The following HDAC7 variants were observed in gnomAD, a reference collection of about 807,000 sequenced individuals.
The protein encoded by HDAC7 is histone deacetylase 7, also known as histone deacetylase 7A.
HDAC7 carries 26 observed loss-of-function variants against 115.5 expected under a neutral mutation model. That is an observed-to-expected ratio of 0.23 (90% CI 0.16 to 0.31). The LOEUF (loss-of-function observed/expected upper bound fraction) is 0.31. Among genes scored for constraint, HDAC7 ranks in the 10% least tolerant of loss-of-function variants. The pLI is 1.00. For missense variants in HDAC7, 1,068 were observed against 1,329.0 expected (o/e 0.80, Z 3.05); for synonymous variants, 564 against 550.9 (o/e 1.02, Z -0.33).
chr12:47,806,863 T>A (rs1944429308), intron 1 of HDAC7, among the ~76,000 whole-genome samples: 1 of 151,254 alleles, frequency 6.6e-6, no homozygotes, highest in Non-Finnish European at 1.5e-5. Flanking sequence ...CGTTTCAGTG[T>A]CTGCTCCCAA....
In HDAC7 at chr12:47,788,054, A is replaced by G; in HGVS notation, c.2346T>C (p.Ala782=). The change falls in exon 20 of 26, where the codon GCT becomes GCC. Residue 782 remains alanine (A), a synonymous_variant. Coordinates refer to ENST00000080059, the MANE Select transcript of HDAC7 (RefSeq NM_015401.5). ...CCTGACATGCGGTTACCTCATCCAC[A>G]GCCCCACTCCCCGGGAAGAAGTTGC... ...DDGNFFPGSG[A]VDEVGAGSGE... 1.2e-6 allele frequency: 2 copies of G among 1,611,500 alleles called. No individual in the cohort carries two copies. The highest frequency in any genetic ancestry group is 1.7e-6 in the Non-Finnish European group (2 of 1,178,496).
intron 1 of HDAC7, among the ~76,000 whole-genome samples, chr12:47,807,575 C>A (rs1403445694): frequency 6.6e-6 from 1 of 152,046 alleles, no homozygotes; most frequent in Non-Finnish European, 1.5e-5. Context: ...CCCAGCATTC[C>A]CATTCGCCAC....
Position 47,795,750 on chromosome 12 carries a change from C to G in HDAC7, c.924G>C (p.Arg308Ser). 1.3e-6 allele frequency: 2 copies of G among 1,537,066 alleles called. No homozygotes were observed. Among genetic ancestry groups the G allele is most frequent in the East Asian group, 2.4e-5 (1 of 40,924 alleles). Residue 308 changes from arginine (R) to serine (S), a missense_variant, in exon 10 of 26, where the codon AGG becomes AGC. Around this residue, in one of 6 missense-constraint regions of HDAC7, gnomAD observed 618 missense variants for 701.5 expected, o/e 0.88. Transcript: ENST00000080059. The surrounding 1 kb of genome is among the most constrained non-coding windows in gnomAD (Gnocchi z 4.3). ...PAPARADSDR[R>S]THPTLGPRGP... ...CCCGAGGGCCCAGAGTCGGATGGGTCCTGCGGTCACTGTCAGCCTGGGGGA... is the reference window on the plus strand; with the variant it reads ...CCCGAGGGCCCAGAGTCGGATGGGTGCTGCGGTCACTGTCAGCCTGGGGGA...
chr12:47,798,543 G>C lies in HDAC7; in HGVS notation c.349+19C>G, dbSNP rs1943996300. ...CTGGCTGGTGGGGCTGGGCTGGGCT[G>C]GGGTGGCCACCTCCTTACTTCGCTT... On this transcript the variant is annotated intron_variant, in intron 4 of 25. Coordinates refer to ENST00000080059, the MANE Select transcript of HDAC7 (RefSeq NM_015401.5). The surrounding 1 kb of genome is among the most constrained non-coding windows in gnomAD (Gnocchi z 4.3). The C allele has an allele frequency of 6.2e-7, 1 of 1,609,574 alleles. No individual in the cohort carries two copies. The highest frequency in any genetic ancestry group is 8.5e-7 in the Non-Finnish European group (1 of 1,177,132).
At chr12:47,819,712 G>C in intron 1 of HDAC7, 55 bp downstream of exon 1, 1 of 484,424 alleles carries the variant, frequency 2.1e-6, no homozygotes, top group Non-Finnish European at 2.7e-6. Flanking sequence ...GCCTGGGCGG[G>C]CGACGCTGGG....
At chr12:47,810,558 C>T (rs1944608057) in intron 1 of HDAC7, among the ~76,000 whole-genome samples, 1 of 152,176 alleles carries the variant, frequency 6.6e-6, no homozygotes, top group East Asian at 1.9e-4. Flanking sequence ...TTCTATTTCC[C>T]TTCCTTTTTA....
chr12:47,802,457 C>T lies in HDAC7; in HGVS notation c.20-183G>A, dbSNP rs1039815729. The T allele has an allele frequency of 7.1e-6, 11 of 1,551,286 alleles. No homozygotes were observed. The Admixed American group carries it at 2.0e-4, about 28-fold the overall frequency. On this transcript the variant is annotated intron_variant, in intron 1 of 25. Coordinates refer to ENST00000080059, the MANE Select transcript of HDAC7 (RefSeq NM_015401.5). ...CCACCCCATTCGACTCCTCCAGTCC[C>T]CCTGCTGGTGAAAAGGGCTCCCAGC...
At position 47,797,262 on chromosome 12, in the gene HDAC7, T is replaced by G; in HGVS notation, c.578-120A>C. ...AGAGAAGGCAGAACTAGAAAGAAGA[T>G]CCTAGCCTACCGATGATCTCCTGGC... On this transcript the variant is annotated intron_variant, in intron 6 of 25. Coordinates refer to ENST00000080059, the MANE Select transcript of HDAC7 (RefSeq NM_015401.5). This position sits in a 1 kb window ranked among gnomAD's most constrained non-coding sequence, Gnocchi z 5.5. The G allele has an allele frequency of 6.4e-7, 1 of 1,559,016 alleles. No homozygotes were observed. The highest frequency in any genetic ancestry group is 2.2e-5 in the East Asian group (1 of 44,516).
intron 24 of HDAC7, chr12:47,785,144 G>C (rs1592624150): frequency 1.8e-6 from 1 of 549,864 alleles, no homozygotes; most frequent in East Asian, 3.1e-5. Context: ...ATGGAGGCCA[G>C]TCCCTACCTT....
At chr12:47,796,100 C>T in intron 8 of HDAC7, 84 bp from the exon 9 acceptor site, 1 of 1,515,176 alleles carries the variant, frequency 6.6e-7, no homozygotes, top group Non-Finnish European at 9.0e-7. Flanking sequence ...GAGGCTCTGG[C>T]AGGGGCTGCC....
At position 47,795,251 on chromosome 12, in the gene HDAC7, G is replaced by C. The variant is rs1208869779; in HGVS notation, c.1217C>G (p.Ala406Gly). 1 of 1,612,248 alleles carries C rather than the reference G, an allele frequency of 6.2e-7. No homozygotes were observed. The highest frequency in any genetic ancestry group is 1.3e-5 in the African/African-American group (1 of 75,012). Residue 406 changes from alanine (A) to glycine (G), a missense_variant, in exon 11 of 26, where the codon GCT becomes GGT. By Grantham distance (60) the Ala-to-Gly change is moderately conservative. Transcript: ENST00000080059. The surrounding 1 kb of genome is among the most constrained non-coding windows in gnomAD (Gnocchi z 4.3). ...RSEPLPPSAT[A>G]PPPPGPMQPR... ...CTGCATGGGGCCCGGCGGTGGGGGA[G>C]CGGTGGCACTGGGGGGCAGGGGCTC... is the stretch of plus-strand genomic sequence containing the variant.
chr12:47,784,413 A>G, intron 24 of HDAC7, 196 bp from the exon 25 acceptor site: 1 of 631,362 alleles, frequency 1.6e-6, no homozygotes, highest in Middle Eastern at 3.2e-4. Context: ...CAGGGTACAC[A>G]GAGTGGGTTC....
intron 1 of HDAC7, among the ~76,000 whole-genome samples, chr12:47,809,322 C>T: frequency 6.6e-6 from 1 of 152,186 alleles, no homozygotes; most frequent in Non-Finnish European, 1.5e-5. Flanking sequence ...CTGCCTCTCC[C>T]AGCTGCAGGC....
Position 47,797,287 on chromosome 12 carries a change from C to G in HDAC7, c.577+97G>C. 6.9e-7 allele frequency: 1 copy of G among 1,449,238 alleles called. No individual in the cohort carries two copies. Among genetic ancestry groups the G allele is most frequent in the Non-Finnish European group, 9.6e-7 (1 of 1,046,458 alleles). 89.8% of individuals were successfully genotyped at this position (1,449,238 alleles called of 1,614,324 possible). ...TCCTAGCCTACCGATGATCTCCTGG[C>G]CCAGCCCAGCCCGCCCACCCCTGCA... On this transcript the variant is annotated intron_variant, in intron 6 of 25. Coordinates refer to ENST00000080059, the MANE Select transcript of HDAC7 (RefSeq NM_015401.5). This position sits in a 1 kb window ranked among gnomAD's most constrained non-coding sequence, Gnocchi z 5.5.
Position 47,791,651 on chromosome 12 carries a change from C to T in HDAC7, c.1868G>A (p.Arg623Gln), listed in dbSNP as rs769080517. 4 of 1,613,376 alleles carry T rather than the reference C, an allele frequency of 2.5e-6. No homozygotes were observed. In the South Asian group the frequency reaches 3.3e-5, roughly 13 times the overall value. The change falls in exon 15 of 26, where the codon CGG becomes CAG. Residue 623 changes from arginine to glutamine, a missense_variant. Around this residue, in one of 6 missense-constraint regions of HDAC7, gnomAD observed 618 missense variants for 701.5 expected, o/e 0.88. Transcript: ENST00000080059. ...GTTGGTGCCGTAGAGGAGCACGTGC[C>T]GCTCAGAGTGGACCGACTGCAGCTC... ...LEELQSVHSERHVLLYGTNPL... is the reference protein window; with the variant it reads ...LEELQSVHSEQHVLLYGTNPL...
chr12:47,820,208 C>T (rs80325942), upstream of HDAC7, among the ~76,000 whole-genome samples: 28,959 of 151,838 alleles, frequency 0.19, 3,592 homozygotes, highest in Non-Finnish European at 0.28. The surrounding 1 kb of genome is among the most constrained non-coding windows in gnomAD (Gnocchi z 4.3). Context: ...CCGAGCCGTG[C>T]ACAATTCCCG....
rs193111483 is a variant in HDAC7 at position 47,793,935 on chromosome 12, A to G, written c.1459-347T>C. On this transcript the variant is annotated intron_variant, in intron 12 of 25. Transcript: ENST00000080059. The surrounding 1 kb of genome is among the most constrained non-coding windows in gnomAD (Gnocchi z 4.5). ...TTCAAGAACATGTGTGTGGCCTGTC[A>G]TCATGTGTTATGGAGTAAATTATGT... Among the ~76,000 whole-genome samples, 4 of 152,328 alleles carry G rather than the reference A, an allele frequency of 2.6e-5. No individual in the cohort carries two copies. Among genetic ancestry groups the G allele is most frequent in the Non-Finnish European group, 1.5e-5 (1 of 68,030 alleles).
At chr12:47,786,735 A>G (rs1227270266) in intron 21 of HDAC7, 32 bp from the exon 22 acceptor site, 1 of 1,574,822 alleles carries the variant, frequency 6.3e-7, no homozygotes, top group Non-Finnish European at 8.7e-7. Flanking sequence ...CGATCATCGT[A>G]CTGTGCAGGG....
intron 24 of HDAC7, chr12:47,785,018 G>C (rs1030733510): frequency 1.7e-6 from 1 of 578,072 alleles, no homozygotes; most frequent in Non-Finnish European, 3.1e-6. Context: ...CAAGCCAGCA[G>C]AGCTCCTGAG....
Sources: gnomAD v4.1 joint callset for allele counts (sites outside exome capture counted in the v4.1 genomes callset) on GRCh38, gnomAD v4.1.1 for gene constraint, gnomAD v4.1.1 regional missense constraint, Gnocchi (gnomAD v3.1) non-coding constraint, MANE v1.5 for transcripts, NCBI Gene and HGNC (gene_info 2026-07-23, HGNC 2026-07-21) for gene names.